The following FOXP2 variants were observed in gnomAD, a reference collection of about 807,000 sequenced individuals.
The protein encoded by FOXP2 is forkhead box protein P2.
FOXP2 carries 12 observed loss-of-function variants against 115.8 expected under a neutral mutation model. The observed-to-expected ratio is 0.10, with a 90% CI of 0.07 to 0.17. The LOEUF (loss-of-function observed/expected upper bound fraction) is 0.17. Among genes scored for constraint, FOXP2 ranks in the 10% least tolerant of loss-of-function variants. The pLI, the probability that FOXP2 is intolerant of heterozygous loss-of-function variation, is 1.00. For synonymous variants in FOXP2, 328 were observed against 297.7 expected, an observed-to-expected ratio of 1.10 and a Z score of -1.05; for missense variants, 629 against 843.5, an observed-to-expected ratio of 0.75 and a Z score of 3.15.
intron 3 of FOXP2, among the ~76,000 whole-genome samples, chr7:114,619,618 G>A (rs556766128): frequency 4.6e-5 from 7 of 152,032 alleles, no homozygotes; most frequent in Admixed American, 3.3e-4. Flanking sequence ...GGCCATTATG[G>A]TTTAAAATTT....
intron 1 of FOXP2, among the ~76,000 whole-genome samples, chr7:114,099,361 A>G (rs889887604): frequency 4.6e-5 from 7 of 152,198 alleles, no homozygotes; most frequent in African/African-American, 1.7e-4. Context: ...ACTATCAAAA[A>G]GTCAAAAGAT....
intron 2 of FOXP2, among the ~76,000 whole-genome samples, chr7:114,434,449 G>A (rs1485377661): frequency 6.5e-5 from 8 of 122,748 alleles, no homozygotes; most frequent in Admixed American, 3.4e-4. Flanking sequence ...GGGGGGGGGG[G>A]ATAAGGTACA....
At chr7:114,159,917 A>G (rs1792785384), upstream of FOXP2, among the ~76,000 whole-genome samples, 1 of 152,204 alleles carries the variant, frequency 6.6e-6, no homozygotes, top group Admixed American at 6.5e-5. Flanking sequence ...CAAACTATAG[A>G]CAGCTGTGTA....
chr7:114,630,799 G>A (rs7456486), intron 5 of FOXP2, among the ~76,000 whole-genome samples: 1 of 151,982 alleles, frequency 6.6e-6, no homozygotes. Context: ...GCTCCATTAT[G>A]CAGTCTGTTT....
chr7:114,594,310 G>A (rs895225884), intron 3 of FOXP2, among the ~76,000 whole-genome samples: 1 of 151,916 alleles, frequency 6.6e-6, no homozygotes, highest in African/African-American at 2.4e-5. Flanking sequence ...GTTCTATTTA[G>A]GTGAATAATC....
intron 3 of FOXP2, among the ~76,000 whole-genome samples, chr7:114,620,830 A>G (rs1323778629): frequency 6.6e-6 from 1 of 152,042 alleles, no homozygotes; most frequent in Non-Finnish European, 1.5e-5. Context: ...AAAAAATTGT[A>G]TTTCATAATA....
chr7:114,376,880 C>A (rs984198800), intron 2 of FOXP2, among the ~76,000 whole-genome samples: 1 of 152,110 alleles, frequency 6.6e-6, no homozygotes, highest in Non-Finnish European at 1.5e-5. Context: ...GAGGTGGAGT[C>A]AAATTATGAA....
chr7:114,286,753 G>C (rs1796476602), intron 1 of FOXP2, among the ~76,000 whole-genome samples: 1 of 151,932 alleles, frequency 6.6e-6, no homozygotes. Context: ...ACTAAACAGT[G>C]GTTTCGGATT....
At chr7:114,661,890 A>G (rs1806883743) in intron 13 of FOXP2, 175 bp from the exon 14 acceptor site, 2 of 726,392 alleles carry the variant, frequency 2.8e-6, no homozygotes. Flanking sequence ...CAAACTGCAG[A>G]TTCCAGTAAT....
chr7:114,473,296 A>G (rs1796124465), intron 2 of FOXP2, among the ~76,000 whole-genome samples: 1 of 152,168 alleles, frequency 6.6e-6, no homozygotes, highest in Admixed American at 6.5e-5. Flanking sequence ...ATTACAAGAT[A>G]CAAGCACAGA....
In FOXP2 at chr7:114,642,978, T is replaced by G. The variant is rs550942182; in HGVS notation, c.989+355T>G. 1.9e-4 allele frequency among the ~76,000 whole-genome samples: 29 copies of G among 150,780 alleles called. No individual in the cohort carries two copies. In the South Asian group the frequency reaches 2.3e-3, roughly 12 times the overall value. On this transcript the variant is annotated intron_variant, in intron 7 of 16. Coordinates refer to ENST00000350908, the MANE Select transcript of FOXP2 (RefSeq NM_014491.4). ...CGCCCGCCCCCACGCCTGGCTAATT[T>G]TTTGTATTTTTTTTAGTAGAGACGG... is the stretch of plus-strand genomic sequence containing the variant.
chr7:114,360,727 A>C (rs1278135989), intron 2 of FOXP2, among the ~76,000 whole-genome samples: 1 of 152,190 alleles, frequency 6.6e-6, no homozygotes, highest in Non-Finnish European at 1.5e-5. Context: ...CAACATTTAC[A>C]GTCTAAGATA....
intron 2 of FOXP2, among the ~76,000 whole-genome samples, chr7:114,478,915 A>G (rs1434884053): frequency 1.3e-5 from 2 of 151,694 alleles, no homozygotes; most frequent in African/African-American, 2.4e-5. Context: ...GGCTTGTTAC[A>G]TCTAGATCCT....
intron 2 of FOXP2, among the ~76,000 whole-genome samples, chr7:114,347,498 C>T (rs986322179): frequency 6.6e-6 from 1 of 151,936 alleles, no homozygotes; most frequent in African/African-American, 2.4e-5. Flanking sequence ...GCCACTTTCA[C>T]ACTATGGCAA....
intron 2 of FOXP2, among the ~76,000 whole-genome samples, chr7:114,442,889 A>C (rs1794671749): frequency 6.6e-6 from 1 of 152,200 alleles, no homozygotes; most frequent in Non-Finnish European, 1.5e-5. Context: ...CAAAGATAGA[A>C]TTGACACTTC....
At chr7:114,221,906 G>T (rs966896151) in intron 1 of FOXP2, among the ~76,000 whole-genome samples, 2 of 151,662 alleles carry the variant, frequency 1.3e-5, no homozygotes, top group Non-Finnish European at 1.5e-5. Flanking sequence ...CTTCTCCTAA[G>T]CCCTCCCCCA....
At chr7:114,200,934 C>T (rs1215244855) in intron 1 of FOXP2, among the ~76,000 whole-genome samples, 1 of 152,170 alleles carries the variant, frequency 6.6e-6, no homozygotes. Flanking sequence ...GCGGGTGGAT[C>T]ACCTGAGGTC....
At chr7:114,326,811 A>G (rs944919832) in intron 2 of FOXP2, among the ~76,000 whole-genome samples, 1 of 152,198 alleles carries the variant, frequency 6.6e-6, no homozygotes, top group Non-Finnish European at 1.5e-5. Flanking sequence ...ATTCAAATAA[A>G]GTTTACTTTT....
intron 1 of FOXP2, among the ~76,000 whole-genome samples, chr7:114,420,294 T>G (rs746345270): frequency 2.6e-5 from 4 of 151,916 alleles, no homozygotes; most frequent in Non-Finnish European, 5.9e-5. Flanking sequence ...CATGGAAGCT[T>G]GCAAGCTTGC....
Sources: allele counts gnomAD v4.1 joint callset (sites outside exome capture counted in the v4.1 genomes callset), GRCh38; gene constraint gnomAD v4.1.1; transcripts MANE v1.5; gene names NCBI Gene and HGNC (gene_info 2026-07-23, HGNC 2026-07-21).